The following ENKD1 variants were observed in gnomAD, a reference collection of about 807,000 sequenced individuals.
The protein encoded by ENKD1 is enkurin domain containing 1, also known as enkurin domain-containing protein 1.
Under a neutral mutation model 35.8 loss-of-function variants are expected in ENKD1, and 39 were observed. The observed-to-expected ratio is 1.09, with a 90% confidence interval of 0.84 to 1.42. The LOEUF (loss-of-function observed/expected upper bound fraction) is 1.42, where lower values mean the gene tolerates loss of function less well. Among genes scored for constraint, ENKD1 ranks in the 40% most tolerant of loss-of-function variants. The pLI is 0.00. For missense variants in ENKD1, 474 were observed against 471.3 expected (o/e 1.01, Z -0.05); for synonymous variants, 205 against 198.6 (o/e 1.03, Z -0.27).
chr16:67,666,018 C>G, intron 2 of ENKD1, 53 bp downstream of exon 2: 2 of 1,563,958 alleles, frequency 1.3e-6, no homozygotes, highest in South Asian at 1.2e-5. Context: ...TGCTTTTGAT[C>G]TCTTTCCACC....
At chr16:67,664,193 C>T (rs967599908) in intron 3 of ENKD1, 131 bp from the exon 4 acceptor site, 3 of 778,484 alleles carry the variant, frequency 3.9e-6, no homozygotes, top group Non-Finnish European at 6.6e-6. Flanking sequence ...CTTCAAGGGA[C>T]ACTTGTCCTC....
In ENKD1 at chr16:67,663,041, C is replaced by T; in HGVS notation, c.*120G>A. 1 of 1,277,272 alleles carries T rather than the reference C, an allele frequency of 7.8e-7. No individual in the cohort carries two copies. Among genetic ancestry groups the T allele is most frequent in the Non-Finnish European group, 1.1e-6 (1 of 931,614 alleles). The allele number at this position is 1,277,272 out of a possible 1,614,324, so 79.1% of individuals were successfully genotyped here. A position where few individuals can be genotyped will look rare whatever the true frequency, so the allele number is the denominator to read the frequency against. Reference sequence around the variant, plus strand: ...GACTGGGAAGAGTGCTCTAGGGACACTGGCCACCCCCCTGCTCCTGTCTTC... The same window carrying T: ...GACTGGGAAGAGTGCTCTAGGGACATTGGCCACCCCCCTGCTCCTGTCTTC... On this transcript the variant is annotated 3_prime_UTR_variant, in exon 7 of 7. Transcript: ENST00000243878.
chr16:67,666,401 TG>T lies in ENKD1; in HGVS notation c.41del (p.Pro14GlnfsTer25). 4.5e-6 allele frequency: 7 copies of T among 1,561,618 alleles called. No homozygotes were observed. Among genetic ancestry groups the T allele is most frequent in the Admixed American group, 1.8e-5 (1 of 54,626 alleles). ...GPSRISGPIP[P>X]DPTLCPDNYR... ...AGTTGTCAGGACAGAGCGTCGGGTC[TG>T]GGGGGATGGGCCCCGAGATGCGGGA... is the stretch of plus-strand genomic sequence containing the variant. On this transcript the variant is annotated frameshift_variant, in exon 1 of 7. Coordinates refer to ENST00000243878, the MANE Select transcript of ENKD1 (RefSeq NM_032140.3). LOFTEE classifies it high-confidence loss of function.
rs1308756017 is a variant in ENKD1 at position 67,666,148 on chromosome 16, T to C, written c.203A>G (p.Glu68Gly). 1.9e-6 allele frequency: 3 copies of C among 1,612,646 alleles called. No individual in the cohort carries two copies. Among genetic ancestry groups the C allele is most frequent in the East Asian group, 2.2e-5 (1 of 44,898 alleles). The change falls in exon 2 of 7, where the codon GAG becomes GGG. Residue 68 changes from glutamate to glycine, a missense_variant. Transcript: ENST00000243878. ...CIGPGAGEILERGQRGVGDVL... is the reference protein window; with the variant it reads ...CIGPGAGEILGRGQRGVGDVL... The stretch of plus-strand genomic sequence containing the variant: ...GTCCCCGACGCCGCGCTGGCCGCGC[T>C]CCAGGATCTCTCCGGCACCGGGACC...
At position 67,666,494 on chromosome 16, in the gene ENKD1, C is replaced by T. The variant is rs71393961; in HGVS notation, c.-52G>A. On this transcript the variant is annotated 5_prime_UTR_variant, in exon 1 of 7. Coordinates refer to ENST00000243878, the MANE Select transcript of ENKD1 (RefSeq NM_032140.3). ...CCCCGAGGCCTGCAGGGCTGTTTAC[C>T]TCCCTCCCCGGGCCCCCTTCCCCAA... The T allele has an allele frequency of 7.2e-7, 1 of 1,388,132 alleles. No homozygotes were observed. Among genetic ancestry groups the T allele is most frequent in the Non-Finnish European group, 9.3e-7 (1 of 1,072,074 alleles). The allele number at this position is 1,388,132 out of a possible 1,614,324, so 86.0% of individuals were successfully genotyped here.
At chr16:67,663,370 G>C (rs1288089620) in intron 6 of ENKD1, 49 bp from the exon 7 acceptor site, 1 of 1,611,560 alleles carries the variant, frequency 6.2e-7, no homozygotes, top group South Asian at 1.1e-5. Flanking sequence ...GGGCAGGGGT[G>C]CCCGGTCCCC....
chr16:67,663,407 C>T lies in ENKD1; in HGVS notation c.880+13G>A, dbSNP rs768616764. The T allele has an allele frequency of 6.2e-7, 1 of 1,612,670 alleles. No individual in the cohort carries two copies. Among genetic ancestry groups the T allele is most frequent in the East Asian group, 2.2e-5 (1 of 44,866 alleles). ...GTGGGGCCCCCCTCCAGCCTCCCTG[C>T]CCAGGTACTCACTCTGGAGCAGCTT... On this transcript the variant is annotated intron_variant, in intron 6 of 6. Coordinates refer to ENST00000243878, the MANE Select transcript of ENKD1 (RefSeq NM_032140.3).
chr16:67,665,799 G>C (rs544718511), intron 2 of ENKD1, among the ~76,000 whole-genome samples: 1 of 152,336 alleles, frequency 6.6e-6, no homozygotes, highest in African/African-American at 2.4e-5. Context: ...CTGTGTTCTA[G>C]CATCTATATG....
At position 67,663,766 on chromosome 16, in the gene ENKD1, C is replaced by T; in HGVS notation, c.634G>A (p.Ala212Thr). ...IRHNARAAKRAPRRHSCSLQV... is the reference protein window; with the variant it reads ...IRHNARAAKRTPRRHSCSLQV... Reference sequence around the variant, plus strand: ...AGTGAGCAGGAATGCCTCCGGGGGGCTCTCTTGGCAGCTCGTGCATTGTGA... The same window carrying T: ...AGTGAGCAGGAATGCCTCCGGGGGGTTCTCTTGGCAGCTCGTGCATTGTGA... The change falls in exon 5 of 7, where the codon GCC becomes ACC. Residue 212 changes from alanine (A) to threonine (T), a missense_variant. Ala to Thr is a moderately conservative substitution (Grantham distance 58, BLOSUM62 0). Coordinates refer to ENST00000243878, the MANE Select transcript of ENKD1 (RefSeq NM_032140.3). 1 of 1,610,790 alleles carries T rather than the reference C, an allele frequency of 6.2e-7. No homozygotes were observed. The highest frequency in any genetic ancestry group is 8.5e-7 in the Non-Finnish European group (1 of 1,178,496).
In ENKD1 at chr16:67,665,056, T is replaced by A; in HGVS notation, c.393A>T (p.Lys131Asn). Residue 131 changes from lysine (K) to asparagine (N), a missense_variant, in exon 3 of 7, where the codon AAA (lysine) becomes AAT (asparagine). Transcript: ENST00000243878. The part of the protein sequence containing the change: ...SREQGQPRPL[K>N]ALWRSPKYDK... ...CGTACTTGGGTGAGCGCCACAGAGC[T>A]TTCAGGGGCCTGGGCTGGCCCTGCT... 1 of 1,613,798 alleles carries A rather than the reference T, an allele frequency of 6.2e-7. No individual in the cohort carries two copies. The highest frequency in any genetic ancestry group is 8.5e-7 in the Non-Finnish European group (1 of 1,179,942).
chr16:67,663,512 C>G lies in ENKD1; in HGVS notation c.788G>C (p.Arg263Pro), dbSNP rs761400328. Residue 263 changes from arginine to proline, a missense_variant, in exon 6 of 7, where the codon CGC (arginine) becomes CCC (proline). Coordinates refer to ENST00000243878, the MANE Select transcript of ENKD1 (RefSeq NM_032140.3). ...GGCAGGGTCCGGCTGGCTCTGCTTGCGGGCCTCGGCCTCCCGCCGCCACAG... is the reference window on the plus strand; with the variant it reads ...GGCAGGGTCCGGCTGGCTCTGCTTGGGGGCCTCGGCCTCCCGCCGCCACAG... ...RDLWRREAEA[R>P]KQSQPDPAMP... 2 of 1,612,076 alleles carry G rather than the reference C, an allele frequency of 1.2e-6. No individual in the cohort carries two copies. The highest frequency in any genetic ancestry group is 1.7e-5 in the Admixed American group (1 of 60,004).
chr16:67,665,949 G>C, intron 2 of ENKD1, 122 bp downstream of exon 2: 2 of 1,068,448 alleles, frequency 1.9e-6, no homozygotes, highest in Non-Finnish European at 2.7e-6. Context: ...TTTATAGTTG[G>C]GGAAACTGAG....
rs1304894248 is a variant in ENKD1, at chr16:67,664,057, A to AGGCTCCTGGAGGGCAGGGCAC, written c.454-16_458dup (p.Pro153_Gly154insCysProAlaLeuGlnGluPro). On this transcript the variant is annotated inframe_insertion, in exon 4 of 7. Coordinates refer to ENST00000243878, the MANE Select transcript of ENKD1 (RefSeq NM_032140.3). ...CAGACTCTGTCCCAGAGGCAGGGCCAGGCTCCTGGAGGGCAGGGCACAGCA... is the reference window on the plus strand; with the variant it reads ...CAGACTCTGTCCCAGAGGCAGGGCCAGGCTCCTGGAGGGCAGGGCACGGCTCCTGGAGGGCAGGGCACAGCA... The AGGCTCCTGGAGGGCAGGGCAC allele has an allele frequency of 6.4e-7, 1 of 1,555,850 alleles. No homozygotes were observed.
Position 67,663,567 on chromosome 16 carries a change from A to G in ENKD1, c.744-11T>C, listed in dbSNP as rs758467673. On this transcript the variant is annotated splice_polypyrimidine_tract_variant and intron_variant, in intron 5 of 6. Coordinates refer to ENST00000243878, the MANE Select transcript of ENKD1 (RefSeq NM_032140.3). The stretch of plus-strand genomic sequence containing the variant: ...CTGCGCTCCAACAAGCTGTGGGTAC[A>G]CAGGCTCAGAGTTGATGACCCGAGG... 9.9e-6 allele frequency: 16 copies of G among 1,610,622 alleles called. No individual in the cohort carries two copies. The highest frequency in any genetic ancestry group is 1.3e-5 in the Non-Finnish European group (15 of 1,178,082).
rs1364547519 is a variant in ENKD1 at position 67,663,317 on chromosome 16, C to G, written c.885G>C (p.Gln295His). The change falls in exon 7 of 7, where the codon CAG (glutamine) becomes CAC (histidine). Residue 295 changes from glutamine (Q) to histidine (H), a missense_variant. Coordinates refer to ENST00000243878, the MANE Select transcript of ENKD1 (RefSeq NM_032140.3). Reference protein sequence around the residue: ...LETLTKLLQSQSQLLRELVLL... With the variant: ...LETLTKLLQSHSQLLRELVLL... The stretch of plus-strand genomic sequence containing the variant: ...GTACCAGCTCACGCAGCAGCTGGCT[C>G]TGGCCTACAGGGGGCCCGGGAACAG... 1 of 1,613,542 alleles carries G rather than the reference C, an allele frequency of 6.2e-7. No individual in the cohort carries two copies. Among genetic ancestry groups the G allele is most frequent in the Non-Finnish European group, 8.5e-7 (1 of 1,180,032 alleles).
At position 67,666,464 on chromosome 16, in the gene ENKD1, C is replaced by A. The variant is rs1242345178; in HGVS notation, c.-22G>T. Reference sequence around the variant, plus strand: ...ACATGCCGCCGGCGCCGCCCAGCAACGGTGCCCCGAGGCCTGCAGGGCTGT... The same window carrying A: ...ACATGCCGCCGGCGCCGCCCAGCAAAGGTGCCCCGAGGCCTGCAGGGCTGT... On this transcript the variant is annotated 5_prime_UTR_variant, in exon 1 of 7. Transcript: ENST00000243878. The A allele has an allele frequency of 8.0e-6, 12 of 1,491,860 alleles. No homozygotes were observed. The East Asian group carries it at 2.3e-4, about 29-fold the overall frequency. 92.4% of individuals were successfully genotyped at this position (1,491,860 alleles called of 1,614,324 possible). A position where few individuals can be genotyped will look rare whatever the true frequency, so the allele number is the denominator to read the frequency against.
At position 67,666,284 on chromosome 16, in the gene ENKD1, C is replaced by A. The variant is rs558943830; in HGVS notation, c.86-19G>T. ...CCTTGAGCTGTGGGGCGGAGCCGGG[C>A]GGAGTCCGGGGCTCAGAGGTGGAGC... On this transcript the variant is annotated intron_variant, in intron 1 of 6. Coordinates refer to ENST00000243878, the MANE Select transcript of ENKD1 (RefSeq NM_032140.3). The A allele has an allele frequency of 1.1e-4, 176 of 1,599,332 alleles. No homozygotes were observed. Among genetic ancestry groups the A allele is most frequent in the Non-Finnish European group, 1.5e-4 (171 of 1,174,854 alleles).
chr16:67,664,462 C>T (rs2053073797), intron 3 of ENKD1: 1 of 363,386 alleles, frequency 2.8e-6, no homozygotes. Flanking sequence ...GAATTTCCAT[C>T]TGCTTCCTGG....
chr16:67,665,234 C>A (rs1369925227), intron 2 of ENKD1, 66 bp from the exon 3 acceptor site: 4 of 1,534,936 alleles, frequency 2.6e-6, no homozygotes, highest in Non-Finnish European at 2.6e-6. Flanking sequence ...TCCACTAGTT[C>A]ACACACAGGC....
Sources: gnomAD v4.1 joint callset for allele counts (sites outside exome capture counted in the v4.1 genomes callset) on GRCh38, gnomAD v4.1.1 for gene constraint, MANE v1.5 for transcripts, NCBI Gene and HGNC (gene_info 2026-07-23, HGNC 2026-07-21) for gene names.